CDH18: variants seen among roughly 807,000 people sequenced by gnomAD.
CDH18 encodes the protein cadherin-18.
In CDH18, 31 loss-of-function variants were observed where a neutral mutation model predicts 67.9. That is an observed-to-expected ratio of 0.46 (90% CI 0.34 to 0.62). CDH18 has a LOEUF of 0.62. CDH18 is among the 20% of genes least tolerant of loss of function. The pLI is 0.01. For synonymous variants in CDH18, 362 were observed against 347.2 expected, an observed-to-expected ratio of 1.04 and a Z score of -0.48; for missense variants, 890 against 975.5, an observed-to-expected ratio of 0.91 and a Z score of 1.17.
intron 1 of CDH18, among the ~76,000 whole-genome samples, chr5:20,494,560 C>T (rs1002362326): frequency 3.3e-5 from 5 of 152,010 alleles, no homozygotes; most frequent in African/African-American, 1.2e-4. Flanking sequence ...ACTGTTTTCT[C>T]ATGAAAAAAG....
intron 1 of CDH18, among the ~76,000 whole-genome samples, chr5:20,282,199 C>T (rs1448968653): frequency 1.3e-5 from 2 of 152,128 alleles, no homozygotes; most frequent in Admixed American, 6.6e-5. Flanking sequence ...ATTGAATACC[C>T]TTTATTTCTT....
At chr5:20,538,549 T>C (rs1372567155) in intron 1 of CDH18, among the ~76,000 whole-genome samples, 3 of 152,136 alleles carry the variant, frequency 2.0e-5, no homozygotes, top group Non-Finnish European at 4.4e-5. Context: ...AAAGGCTATG[T>C]GGCTCTGATA....
At chr5:20,540,454 C>T (rs2126586561) in intron 1 of CDH18, among the ~76,000 whole-genome samples, 1 of 152,226 alleles carries the variant, frequency 6.6e-6, no homozygotes, top group Non-Finnish European at 1.5e-5. Flanking sequence ...GCACCAGTCA[C>T]AGTTTTAAGA....
intron 2 of CDH18, among the ~76,000 whole-genome samples, chr5:20,032,247 A>G (rs1473404747): frequency 6.6e-6 from 1 of 150,712 alleles, no homozygotes; most frequent in Non-Finnish European, 1.5e-5. Flanking sequence ...GTATATATAT[A>G]TAATATATAT....
chr5:19,922,896 C>T (rs1377423064), intron 2 of CDH18, among the ~76,000 whole-genome samples: 1 of 152,078 alleles, frequency 6.6e-6, no homozygotes, highest in Non-Finnish European at 1.5e-5. Flanking sequence ...AATTGACTTA[C>T]CTGAAAACAA....
intron 2 of CDH18, among the ~76,000 whole-genome samples, chr5:19,869,283 A>G (rs573067503): frequency 5.1e-4 from 78 of 152,216 alleles, no homozygotes; most frequent in African/African-American, 1.8e-3. Context: ...TTCAAATAAT[A>G]TAATGTATCT....
chr5:20,333,985 A>T (rs1739445708), intron 1 of CDH18, among the ~76,000 whole-genome samples: 1 of 152,122 alleles, frequency 6.6e-6, no homozygotes, highest in African/African-American at 2.4e-5. Context: ...TTTAAAAGAT[A>T]AACGTTTGGG....
At chr5:20,202,813 C>A (rs1580468229) in intron 2 of CDH18, among the ~76,000 whole-genome samples, 1 of 152,030 alleles carries the variant, frequency 6.6e-6, no homozygotes, top group East Asian at 1.9e-4. Flanking sequence ...GAGTCAACTG[C>A]AAAACACATA....
At chr5:20,464,737 A>G (rs1253032350) in intron 1 of CDH18, among the ~76,000 whole-genome samples, 2 of 152,148 alleles carry the variant, frequency 1.3e-5, no homozygotes, top group African/African-American at 4.8e-5. Context: ...AACTTCGTCA[A>G]CATCAGTATG....
intron 1 of CDH18, among the ~76,000 whole-genome samples, chr5:20,266,264 C>CT (rs11283449): frequency 6.6e-6 from 1 of 151,962 alleles, no homozygotes; most frequent in African/African-American, 2.4e-5. Flanking sequence ...AGAACCCTGA[C>CT]ACTAGAGAAT....
At chr5:19,743,766 C>A (rs1171650275) in intron 4 of CDH18, among the ~76,000 whole-genome samples, 2 of 151,806 alleles carry the variant, frequency 1.3e-5, no homozygotes, top group Non-Finnish European at 2.9e-5. Flanking sequence ...ACTAAAATTA[C>A]AAACTTTAGC....
intron 2 of CDH18, among the ~76,000 whole-genome samples, chr5:20,120,741 A>T (rs80238262): frequency 6.6e-6 from 1 of 152,130 alleles, no homozygotes; most frequent in Non-Finnish European, 1.5e-5. Context: ...TTTTGAAAAA[A>T]TGATTAGATC....
intron 1 of CDH18, among the ~76,000 whole-genome samples, chr5:20,418,242 AT>A (rs58308147): frequency 0.01 from 580 of 56,910 alleles, 5 homozygotes; most frequent in African/African-American, 0.018. Context: ...CTGCTGGCTA[AT>A]TTTTTTTTTT....
At chr5:20,387,753 A>G (rs1744434617) in intron 1 of CDH18, among the ~76,000 whole-genome samples, 1 of 152,116 alleles carries the variant, frequency 6.6e-6, no homozygotes, top group Admixed American at 6.6e-5. Flanking sequence ...TTGATACCTA[A>G]TTTATTGAGA....
chr5:19,587,989 AATAG>A (rs1744463478), intron 7 of CDH18, among the ~76,000 whole-genome samples: 1 of 152,038 alleles, frequency 6.6e-6, no homozygotes, highest in Non-Finnish European at 1.5e-5. Context: ...GTTCTTCTTG[AATAG>A]GTCCTTTGCT....
At chr5:20,090,909 T>C (rs1745362425) in intron 2 of CDH18, among the ~76,000 whole-genome samples, 1 of 151,256 alleles carries the variant, frequency 6.6e-6, no homozygotes, top group Non-Finnish European at 1.5e-5. Context: ...ATTAGCCAGG[T>C]GTGGTGATGC....
intron 5 of CDH18, among the ~76,000 whole-genome samples, chr5:19,712,204 C>A (rs537783362): frequency 1.3e-5 from 2 of 151,960 alleles, no homozygotes; most frequent in African/African-American, 4.8e-5. Context: ...GTACAAAGTA[C>A]ATTTTCTGGG....
intron 4 of CDH18, among the ~76,000 whole-genome samples, chr5:19,745,822 G>A (rs939480426): frequency 4.1e-4 from 63 of 152,178 alleles, no homozygotes; most frequent in African/African-American, 1.3e-3. Flanking sequence ...AGCAGCTGCA[G>A]GAGCTACCTG....
At position 20,219,378 on chromosome 5, in the gene CDH18, G is replaced by A. The variant is rs1474064706; in HGVS notation, c.-518+36066C>T. Among the ~76,000 whole-genome samples, 3 of 151,688 alleles carry A rather than the reference G, an allele frequency of 2.0e-5. No homozygotes were observed. The East Asian group carries it at 5.8e-4, about 29-fold the overall frequency. On this transcript the variant is annotated intron_variant, in intron 2 of 14. Coordinates refer to the CDH18 transcript ENST00000507958. ...AAGCTTGGGACACAATGTCAACACTGCTGAATTTTACCAAATATGTAAAGA... is the reference window on the plus strand; with the variant it reads ...AAGCTTGGGACACAATGTCAACACTACTGAATTTTACCAAATATGTAAAGA...
Sources: allele counts gnomAD v4.1 joint callset (sites outside exome capture counted in the v4.1 genomes callset), GRCh38; gene constraint gnomAD v4.1.1; transcripts MANE v1.5; gene names NCBI Gene and HGNC (gene_info 2026-07-23, HGNC 2026-07-21).